The following CLCN5 variants were observed in gnomAD, a reference collection of about 807,000 sequenced individuals.
CLCN5 encodes H(+)/Cl(-) exchange transporter 5.
CLCN5 carries 17 observed loss-of-function variants against 54.0 expected under a neutral mutation model. The observed-to-expected ratio is 0.31, with a 90% CI of 0.22 to 0.47. The LOEUF (loss-of-function observed/expected upper bound fraction) is 0.47, where lower values mean the gene tolerates loss of function less well. CLCN5 is among the 20% of genes least tolerant of loss of function. The pLI is 1.00. For synonymous variants in CLCN5, 222 were observed against 233.0 expected, an observed-to-expected ratio of 0.95 and a Z score of 0.43; for missense variants, 448 against 646.7, an observed-to-expected ratio of 0.69 and a Z score of 3.33.
intron 3 of CLCN5, among the ~76,000 whole-genome samples, chrX:49,990,172 AT>A (rs1267837771): frequency 5.9e-4 from 62 of 104,603 alleles, no homozygotes; most frequent in South Asian, 2.1e-3. Context: ...AATGTGGATA[AT>A]TTTTTTTTTT....
intron 3 of CLCN5, among the ~76,000 whole-genome samples, chrX:50,017,494 T>A (rs1172930181): frequency 8.9e-6 from 1 of 111,988 alleles, no homozygotes. Context: ...TGAAGTCCAG[T>A]CTATCAATTT....
At chrX:49,971,291 A>T (rs200443247) in intron 3 of CLCN5, among the ~76,000 whole-genome samples, 9 of 103,028 alleles carry the variant, frequency 8.7e-5, no homozygotes, top group East Asian at 5.8e-4. Context: ...ATATATATTT[A>T]TATATATATA....
At chrX:49,994,790 G>A (rs1557179428) in intron 3 of CLCN5, among the ~76,000 whole-genome samples, 1 of 111,650 alleles carries the variant, frequency 9.0e-6, no homozygotes, top group Non-Finnish European at 1.9e-5. Flanking sequence ...ATATACAGCA[G>A]GTCACAGCAG....
intron 3 of CLCN5, among the ~76,000 whole-genome samples, chrX:50,029,817 G>T (rs1403098055): frequency 4.5e-5 from 5 of 112,173 alleles, no homozygotes; most frequent in African/African-American, 1.6e-4. Flanking sequence ...CGTTGTGGAA[G>T]TTGGTGTGGC....
intron 4 of CLCN5, among the ~76,000 whole-genome samples, chrX:50,058,519 A>G (rs1435716117): frequency 3.6e-5 from 4 of 111,636 alleles, no homozygotes; most frequent in African/African-American, 1.3e-4. Context: ...CATAATGAGA[A>G]CTGAGTTAAA....
intron 3 of CLCN5, among the ~76,000 whole-genome samples, chrX:50,039,785 C>T (rs181537146): frequency 0.057 from 6,280 of 109,944 alleles, 491 homozygotes; most frequent in African/African-American, 0.2. Flanking sequence ...CTCCGCCTCC[C>T]GGTTTCAAGC....
At chrX:50,031,391 C>A (rs952197646) in intron 3 of CLCN5, among the ~76,000 whole-genome samples, 5 of 111,883 alleles carry the variant, frequency 4.5e-5, no homozygotes. Flanking sequence ...TGGGTGTTGC[C>A]CAAGTACAAT....
At position 49,935,375 on chromosome X, in the gene CLCN5, C is replaced by G. The variant is rs1026422035; in HGVS notation, c.16+10061C>G. Among the ~76,000 whole-genome samples the G allele has an allele frequency of 1.2e-4, 13 of 112,091 alleles. No individual in the cohort carries two copies. The Admixed American group carries it at 1.2e-3, about 11-fold the overall frequency. On this transcript the variant is annotated intron_variant, in intron 3 of 14. Coordinates refer to ENST00000376091, the MANE Select transcript of CLCN5 (RefSeq NM_001127898.4). The stretch of plus-strand genomic sequence containing the variant: ...ATGGTCCTTGAGGGCATTGACTGCA[C>G]TTGTTCAATATTTTTGTTCTCACAT...
chrX:50,080,042 C>G (rs1676928911), intron 7 of CLCN5, among the ~76,000 whole-genome samples: 1 of 110,722 alleles, frequency 9.0e-6, no homozygotes, highest in South Asian at 3.9e-4. Context: ...TGTTGTACAC[C>G]TTAAATACAT....
intron 4 of CLCN5, among the ~76,000 whole-genome samples, chrX:50,060,634 T>C (rs1932841286): frequency 9.0e-6 from 1 of 111,053 alleles, no homozygotes; most frequent in South Asian, 3.8e-4. Flanking sequence ...GCGGGGAAGC[T>C]CGAACTGGGT....
At chrX:50,018,129 A>G (rs141478269) in intron 3 of CLCN5, among the ~76,000 whole-genome samples, 1,492 of 111,614 alleles carry the variant, frequency 0.013, 17 homozygotes, top group African/African-American at 0.045. Context: ...ATTTATTTAG[A>G]TCTTTGATTT....
intron 12 of CLCN5, among the ~76,000 whole-genome samples, chrX:50,089,649 G>A (rs1557194453): frequency 8.9e-6 from 1 of 112,127 alleles, no homozygotes; most frequent in Non-Finnish European, 1.9e-5. Context: ...TACTTAGGAG[G>A]CAGAGGTGGG....
intron 4 of CLCN5, among the ~76,000 whole-genome samples, chrX:50,056,949 G>T (rs1932759536): frequency 8.9e-6 from 1 of 111,801 alleles, no homozygotes; most frequent in Admixed American, 9.5e-5. Flanking sequence ...TTATTGTCTA[G>T]CTCTCAGCAG....
At chrX:50,042,696 G>A (rs1015148078) in intron 4 of CLCN5, among the ~76,000 whole-genome samples, 2 of 110,535 alleles carry the variant, frequency 1.8e-5, no homozygotes, top group African/African-American at 6.6e-5. Context: ...CCTGGTACCA[G>A]TGATCTTTTC....
chrX:50,046,188 C>T (rs782646640), intron 4 of CLCN5, among the ~76,000 whole-genome samples: 7 of 112,317 alleles, frequency 6.2e-5, no homozygotes, highest in African/African-American at 1.9e-4. Flanking sequence ...CAGAAAAACA[C>T]GGAGGACTGT....
At chrX:49,927,411 A>ATAAGTAAGC (rs1478905406) in intron 3 of CLCN5, among the ~76,000 whole-genome samples, 8 of 112,074 alleles carry the variant, frequency 7.1e-5, no homozygotes, top group Non-Finnish European at 1.3e-4. Context: ...AGTATTCTAT[A>ATAAGTAAGC]TAAGTAAGCT....
chrX:49,982,661 G>C (rs868932667), intron 3 of CLCN5, among the ~76,000 whole-genome samples: 33 of 111,800 alleles, frequency 3.0e-4, no homozygotes, highest in African/African-American at 9.7e-4. Context: ...TCTAAAAGAT[G>C]CAGTGCAAGC....
In CLCN5 at chrX:49,970,269, A is replaced by G. The variant is rs188118166; in HGVS notation, c.16+44955A>G. Among the ~76,000 whole-genome samples, 118 of 111,974 alleles carry G rather than the reference A, an allele frequency of 1.1e-3. No individual in the cohort carries two copies. The Middle Eastern group carries it at 0.018, about 17-fold the overall frequency. Reference sequence around the variant, plus strand: ...TACTTCAAAGCAGCTTTATTTAGATATAATTTGCATACCATACAATTCACC... The same window carrying G: ...TACTTCAAAGCAGCTTTATTTAGATGTAATTTGCATACCATACAATTCACC... On this transcript the variant is annotated intron_variant, in intron 3 of 14. Coordinates refer to ENST00000376091, the MANE Select transcript of CLCN5 (RefSeq NM_001127898.4).
At chrX:49,969,394 T>G (rs1201746749) in intron 3 of CLCN5, among the ~76,000 whole-genome samples, 1 of 112,600 alleles carries the variant, frequency 8.9e-6, no homozygotes, top group Non-Finnish European at 1.9e-5. Flanking sequence ...CTTTCTTCTT[T>G]TCAATAATGG....
Sources: gnomAD v4.1 joint callset for allele counts (sites outside exome capture counted in the v4.1 genomes callset) on GRCh38, gnomAD v4.1.1 for gene constraint, MANE v1.5 for transcripts, NCBI Gene and HGNC (gene_info 2026-07-23, HGNC 2026-07-21) for gene names.